The following EIF4G1 variants were observed in gnomAD, a reference collection of about 807,000 sequenced individuals.
EIF4G1 encodes EIF4-gamma.
EIF4G1 carries 4 observed loss-of-function variants against 187.8 expected under a neutral mutation model. The observed-to-expected ratio is 0.02, with a 90% confidence interval of 0.01 to 0.05. The LOEUF is 0.05. Among genes scored for constraint, EIF4G1 ranks in the 10% least tolerant of loss-of-function variants. The pLI, the probability that EIF4G1 is intolerant of heterozygous loss-of-function variation, is 1.00. For missense variants in EIF4G1, 1,647 were observed against 2,081.1 expected, an observed-to-expected ratio of 0.79 and a Z score of 4.06; for synonymous variants, 844 against 781.4, an observed-to-expected ratio of 1.08 and a Z score of -1.34.
Position 184,327,225 on chromosome 3 carries a change from G to T in EIF4G1, c.3438G>T (p.Leu1146Phe). ...DNRRVVQRSS[L>F]SRERGEKAGD... ...TCTGTCTGTCTTCCAGGAGTAGCTT[G>T]AGCCGAGAACGAGGCGAGAAAGCTG... Residue 1146 changes from leucine to phenylalanine, a missense_variant, in exon 24 of 33, where the codon TTG becomes TTT. Leu to Phe is a conservative substitution (Grantham distance 22). Transcript: ENST00000346169. 1 of 1,612,708 alleles carries T rather than the reference G, an allele frequency of 6.2e-7. No individual in the cohort carries two copies. The highest frequency in any genetic ancestry group is 1.3e-5 in the African/African-American group (1 of 75,038).
At position 184,325,448 on chromosome 3, in the gene EIF4G1, A is replaced by G. The variant is rs984685906; in HGVS notation, c.2962-32A>G. On this transcript the variant is annotated intron_variant, in intron 19 of 32. Transcript: ENST00000346169. This position sits in a 1 kb window ranked among gnomAD's most constrained non-coding sequence, Gnocchi z 5.2. ...ACACTGCCTTGTCTTGCCTTCCCTG[A>G]CATCATCGTGACTGGCCCTCTGTCT... The G allele has an allele frequency of 6.2e-7, 1 of 1,614,022 alleles. No individual in the cohort carries two copies. The highest frequency in any genetic ancestry group is 8.5e-7 in the Non-Finnish European group (1 of 1,180,050).
intron 26 of EIF4G1, 174 bp downstream of exon 26, chr3:184,328,176 C>A: frequency 1.4e-6 from 1 of 712,530 alleles, no homozygotes; most frequent in South Asian, 1.6e-5. Context: ...CTTAGAGGAT[C>A]ACGTGAGGTT....
intron 1 of EIF4G1, chr3:184,315,097 A>T: frequency 3.1e-6 from 1 of 324,440 alleles, no homozygotes; most frequent in Non-Finnish European, 6.0e-6. Context: ...GGGAGGGCGC[A>T]GGGGAGGGAG....
At chr3:184,315,345 G>A (rs780309725) in intron 1 of EIF4G1, 144 bp from the exon 2 acceptor site, 3 of 518,500 alleles carry the variant, frequency 5.8e-6, no homozygotes. Context: ...CGGTGTCCCC[G>A]GGTGGGGGGT....
At chr3:184,330,875 G>C (rs1415922034) in intron 28 of EIF4G1, among the ~76,000 whole-genome samples, 2 of 152,080 alleles carry the variant, frequency 1.3e-5, no homozygotes, top group Admixed American at 6.6e-5. Context: ...GAGTAGCTGG[G>C]ATTACAGGCA....
At position 184,331,346 on chromosome 3, in the gene EIF4G1, T is replaced by A. The variant is rs1726057136; in HGVS notation, c.4242T>A (p.Gly1414=). 2 of 1,614,214 alleles carry A rather than the reference T, an allele frequency of 1.2e-6. No homozygotes were observed. Among genetic ancestry groups the A allele is most frequent in the Non-Finnish European group, 1.7e-6 (2 of 1,180,046 alleles). ...TTCTACCTGAAGGCCAGGACATTGG[T>A]GCATTCGTCGCTGAACAGGTTTGGG... is the stretch of plus-strand genomic sequence containing the variant. The part of the protein sequence containing the change: ...KEFLPEGQDI[G]AFVAEQKVEY... Residue 1414 remains glycine, a synonymous_variant, in exon 29 of 33, where the codon GGT becomes GGA. Transcript: ENST00000346169.
intron 5 of EIF4G1, 27 bp downstream of exon 5, chr3:184,317,524 A>G: frequency 6.2e-7 from 1 of 1,613,616 alleles, no homozygotes; most frequent in Non-Finnish European, 8.5e-7. Context: ...GGAGCCTAGA[A>G]GCCACAGACC....
chr3:184,320,559 T>G (rs564519520), intron 7 of EIF4G1, 71 bp from the exon 8 acceptor site: 371 of 1,612,570 alleles, frequency 2.3e-4, no homozygotes, highest in Non-Finnish European at 3.0e-4. Flanking sequence ...GCCCAGAGTC[T>G]TAAGATTGGG....
At chr3:184,328,824 G>C (rs115910779) in intron 27 of EIF4G1, 68 bp downstream of exon 27, 1 of 1,613,996 alleles carries the variant, frequency 6.2e-7, no homozygotes, top group African/African-American at 1.3e-5. Context: ...AAATGGCTGG[G>C]TTGGATACCC....
chr3:184,324,101 C>G, intron 16 of EIF4G1, 100 bp from the exon 17 acceptor site: 2 of 1,605,090 alleles, frequency 1.2e-6, no homozygotes, highest in South Asian at 1.1e-5. Context: ...GGAGGCAGAG[C>G]TGGGGCCAGA....
Position 184,331,747 on chromosome 3 carries a change from A to C in EIF4G1, c.4415A>C (p.Gln1472Pro). 1.9e-6 allele frequency: 3 copies of C among 1,614,228 alleles called. No individual in the cohort carries two copies. The highest frequency in any genetic ancestry group is 2.5e-6 in the Non-Finnish European group (3 of 1,180,038). The change falls in exon 31 of 33, where the codon CAG (glutamine) becomes CCG (proline). Residue 1472 changes from glutamine (Q) to proline (P), a missense_variant. Coordinates refer to ENST00000346169, the MANE Select transcript of EIF4G1 (RefSeq NM_198241.3). ...DWIEANLSEQQIVSNTLVRAL... is the reference protein window; with the variant it reads ...DWIEANLSEQPIVSNTLVRAL... ...ATACAGGCCAACCTGAGTGAGCAGC[A>C]GATAGTATCCAACACGTTAGTTCGA... is the stretch of plus-strand genomic sequence containing the variant.
rs1459747838 is a variant in EIF4G1, at chr3:184,320,611, T to C, written c.538-19T>C. 5 of 1,613,928 alleles carry C rather than the reference T, an allele frequency of 3.1e-6. No homozygotes were observed. In the African/African-American group the frequency reaches 5.3e-5, roughly 17 times the overall value. ...GGCTCTTCCTGCTTCCCACTCATCT[T>C]ATAGCTTTCTTTCCCCAGATCCGAA... On this transcript the variant is annotated intron_variant, in intron 7 of 32. Transcript: ENST00000346169.
chr3:184,318,471 G>T (rs1217630246), intron 6 of EIF4G1, among the ~76,000 whole-genome samples: 1 of 152,028 alleles, frequency 6.6e-6, no homozygotes, highest in Non-Finnish European at 1.5e-5. Flanking sequence ...TTTGAGGGGG[G>T]CTGAGCACGG....
At position 184,321,399 on chromosome 3, in the gene EIF4G1, T is replaced by C; in HGVS notation, c.815T>C (p.Leu272Ser). ...CCGACCCCATCACCATCCCCAGTCT[T>C]GGAACCGGGGTCTGAGCCTAATCTC... Reference protein sequence around the residue: ...PSPTPSPSPVLEPGSEPNLAV... With the variant: ...PSPTPSPSPVSEPGSEPNLAV... Residue 272 changes from leucine (L) to serine (S), a missense_variant, in exon 10 of 33, where the codon TTG becomes TCG. Physicochemically the swap from Leu to Ser is moderately radical, Grantham distance 145. This residue lies in a region of EIF4G1 where 522 missense variants were observed against 485.2 expected (regional missense o/e 1.08). Transcript: ENST00000346169. The C allele has an allele frequency of 1.9e-6, 3 of 1,614,142 alleles. No homozygotes were observed. The highest frequency in any genetic ancestry group is 2.5e-6 in the Non-Finnish European group (3 of 1,180,026).
chr3:184,324,123 G>A (rs935983993), intron 16 of EIF4G1, 78 bp from the exon 17 acceptor site: 2 of 1,609,298 alleles, frequency 1.2e-6, no homozygotes, highest in African/African-American at 2.7e-5. Flanking sequence ...ATCTTCCTGG[G>A]TCAGGTAGTT....
chr3:184,335,062 C>T lies in EIF4G1; in HGVS notation c.*154C>T. 1 of 1,072,192 alleles carries T rather than the reference C, an allele frequency of 9.3e-7. No homozygotes were observed. The highest frequency in any genetic ancestry group is 1.4e-6 in the Non-Finnish European group (1 of 740,316). 66.4% of individuals were successfully genotyped at this position (1,072,192 alleles called of 1,614,324 possible). The stretch of plus-strand genomic sequence containing the variant: ...TAAAGTGGCTGAAGAGGCAGGATGG[C>T]TTGGGGCTGCCTGGGCCCCCCTCCA... On this transcript the variant is annotated 3_prime_UTR_variant, in exon 33 of 33. Transcript: ENST00000346169.
chr3:184,322,040 C>A lies in EIF4G1; in HGVS notation c.1456C>A (p.Pro486Thr), dbSNP rs112545306. The A allele has an allele frequency of 8.7e-6, 14 of 1,614,096 alleles. No individual in the cohort carries two copies. The highest frequency in any genetic ancestry group is 1.3e-5 in the African/African-American group (1 of 75,034). The change falls in exon 10 of 33, where the codon CCA (proline) becomes ACA (threonine). Residue 486 changes from proline (P) to threonine (T), a missense_variant. By Grantham distance (38) the Pro-to-Thr change is conservative. Coordinates refer to ENST00000346169, the MANE Select transcript of EIF4G1 (RefSeq NM_198241.3). The part of the protein sequence containing the change: ...SEKGGEELLP[P>T]ESTPIPANLS... The stretch of plus-strand genomic sequence containing the variant: ...GAAAGGAGGAGAGGAACTGCTCCCC[C>A]CAGAGAGTACCCCTATTCCAGCCAA...
At position 184,324,807 on chromosome 3, in the gene EIF4G1, C is replaced by T. The variant is rs1724566341; in HGVS notation, c.2620-71C>T. On this transcript the variant is annotated intron_variant, in intron 17 of 32. Transcript: ENST00000346169. The stretch of plus-strand genomic sequence containing the variant: ...AGTGCTTATTGCTAGGTTTGGATAT[C>T]CAGGTAGAAAAGGGTTTTAGCCGAG... The T allele has an allele frequency of 2.0e-5, 31 of 1,536,438 alleles. No individual in the cohort carries two copies. In the South Asian group the frequency reaches 3.4e-4, roughly 17 times the overall value.
At chr3:184,326,750 T>TTTGTG in intron 22 of EIF4G1, 121 bp downstream of exon 22, 1 of 1,484,800 alleles carries the variant, frequency 6.7e-7, no homozygotes, top group Non-Finnish European at 9.4e-7. Flanking sequence ...ATAGAGGAGG[T>TTTGTG]TTGTGTTGTG....
Sources: allele counts gnomAD v4.1 joint callset (sites outside exome capture counted in the v4.1 genomes callset), GRCh38; gene constraint gnomAD v4.1.1; regional missense constraint gnomAD v4.1.1; non-coding constraint Gnocchi (gnomAD v3.1); transcripts MANE v1.5; gene names NCBI Gene and HGNC (gene_info 2026-07-23, HGNC 2026-07-21).